The following RXFP1 variants were observed in gnomAD, a reference collection of about 807,000 sequenced individuals.
RXFP1 encodes the protein relaxin family peptide receptor 1, also known as relaxin receptor 1.
A neutral mutation model predicts 89.8 loss-of-function variants in RXFP1; 73 were observed. The ratio of observed to expected loss-of-function variants is 0.81; its 90% CI spans 0.67 to 0.99. RXFP1 has a LOEUF of 0.99. RXFP1 is among the 50% of genes least tolerant of loss of function. RXFP1 has a pLI of 0.00. For synonymous variants in RXFP1, 277 were observed against 305.5 expected, an observed-to-expected ratio of 0.91 and a Z score of 0.97; for missense variants, 793 against 895.5, an observed-to-expected ratio of 0.89 and a Z score of 1.46.
At chr4:158,569,624 A>G (rs1754605169) in intron 1 of RXFP1, among the ~76,000 whole-genome samples, 1 of 152,260 alleles carries the variant, frequency 6.6e-6, no homozygotes, top group African/African-American at 2.4e-5. Flanking sequence ...CTTCAAAGTC[A>G]GAATAGGATG....
intron 1 of RXFP1, among the ~76,000 whole-genome samples, chr4:158,531,275 A>G (rs1049028589): frequency 7.9e-5 from 12 of 152,154 alleles, no homozygotes; most frequent in Non-Finnish European, 2.9e-5. Context: ...GGCTCAAGCC[A>G]TCTGCCTACC....
At chr4:158,580,889 C>G (rs1757223352) in intron 2 of RXFP1, among the ~76,000 whole-genome samples, 2 of 152,168 alleles carry the variant, frequency 1.3e-5, no homozygotes, top group Admixed American at 6.5e-5. Flanking sequence ...CCTCCGCCTC[C>G]CAGGTTCAAG....
intron 1 of RXFP1, among the ~76,000 whole-genome samples, chr4:158,533,508 C>G (rs1175815334): frequency 6.6e-6 from 1 of 152,134 alleles, no homozygotes; most frequent in African/African-American, 2.4e-5. Flanking sequence ...AAATTTTTAG[C>G]TATTTCCCAA....
chr4:158,636,931 T>G (rs1769284235), intron 12 of RXFP1, among the ~76,000 whole-genome samples: 1 of 152,192 alleles, frequency 6.6e-6, no homozygotes, highest in African/African-American at 2.4e-5. Context: ...AGTGACCACC[T>G]TCTACTCTCT....
At chr4:158,545,049 T>A (rs576687553) in intron 1 of RXFP1, among the ~76,000 whole-genome samples, 1 of 151,660 alleles carries the variant, frequency 6.6e-6, no homozygotes, top group Non-Finnish European at 1.5e-5. Context: ...GTTGAACTAG[T>A]TTACAGTCCC....
chr4:158,559,301 C>G (rs931599246), intron 1 of RXFP1, among the ~76,000 whole-genome samples: 1 of 152,052 alleles, frequency 6.6e-6, no homozygotes, highest in Non-Finnish European at 1.5e-5. Flanking sequence ...AAGACCCTTT[C>G]TCCAAAAAAA....
chr4:158,637,997 T>C lies in RXFP1; in HGVS notation c.972-11T>C, dbSNP rs753691604. 2 of 1,564,346 alleles carry C rather than the reference T, an allele frequency of 1.3e-6. No homozygotes were observed. Among genetic ancestry groups the C allele is most frequent in the Middle Eastern group, 1.7e-4 (1 of 5,940 alleles). On this transcript the variant is annotated splice_polypyrimidine_tract_variant and intron_variant, in intron 12 of 17. Transcript: ENST00000307765. ...TAGAAATGACCTATTGCTGCTTTTTTTAAAAAACAGGAATCTTTCCTATAA... is the reference window on the plus strand; with the variant it reads ...TAGAAATGACCTATTGCTGCTTTTTCTAAAAAACAGGAATCTTTCCTATAA...
At chr4:158,527,308 C>T (rs201515488) in intron 1 of RXFP1, among the ~76,000 whole-genome samples, 2 of 151,528 alleles carry the variant, frequency 1.3e-5, no homozygotes, top group African/African-American at 4.8e-5. Context: ...TTTGGGAGGC[C>T]GAGGCAGGAG....
intron 1 of RXFP1, among the ~76,000 whole-genome samples, chr4:158,556,239 A>T (rs1339656901): frequency 3.3e-5 from 5 of 151,882 alleles, no homozygotes; most frequent in African/African-American, 1.2e-4. Context: ...AAAAAAAAAA[A>T]AATTGAAAAA....
Position 158,572,788 on chromosome 4 carries a change from G to A in RXFP1, c.140G>A (p.Cys47Tyr), listed in dbSNP as rs1235597445. 2.5e-6 allele frequency: 4 copies of A among 1,614,092 alleles called. No individual in the cohort carries two copies. Among genetic ancestry groups the A allele is most frequent in the Admixed American group, 1.7e-5 (1 of 60,008 alleles). ...AAGTGCTTGCCTCAGCTCCTGCACT[G>A]TAACGGTGTGGACGACTGCGGGAAT... Reference protein sequence around the residue: ...ITKCLPQLLHCNGVDDCGNQA... With the variant: ...ITKCLPQLLHYNGVDDCGNQA... Residue 47 changes from cysteine to tyrosine, a missense_variant, in exon 2 of 18, where the codon TGT becomes TAT. Transcript: ENST00000307765.
intron 1 of RXFP1, among the ~76,000 whole-genome samples, chr4:158,528,221 G>C (rs949784376): frequency 2.6e-5 from 4 of 152,114 alleles, no homozygotes; most frequent in Non-Finnish European, 5.9e-5. Flanking sequence ...AGAGTAAGGC[G>C]GGGGGCAGTG....
chr4:158,564,308 T>C (rs1247360046), intron 1 of RXFP1, among the ~76,000 whole-genome samples: 1 of 152,184 alleles, frequency 6.6e-6, no homozygotes, highest in African/African-American at 2.4e-5. Context: ...TTTTAAATTG[T>C]TATATACAAT....
intron 2 of RXFP1, among the ~76,000 whole-genome samples, chr4:158,587,434 C>T (rs1223727820): frequency 6.6e-6 from 1 of 152,030 alleles, no homozygotes; most frequent in Non-Finnish European, 1.5e-5. Context: ...AATTTAAATT[C>T]CAGTTAATAA....
At chr4:158,601,156 A>T (rs1459316131) in intron 4 of RXFP1, among the ~76,000 whole-genome samples, 1 of 152,006 alleles carries the variant, frequency 6.6e-6, no homozygotes, top group Non-Finnish European at 1.5e-5. Flanking sequence ...TAGTATACAC[A>T]TACATACGTA....
At chr4:158,580,445 T>C (rs1476133911) in intron 2 of RXFP1, among the ~76,000 whole-genome samples, 1 of 152,228 alleles carries the variant, frequency 6.6e-6, no homozygotes, top group Non-Finnish European at 1.5e-5. Context: ...AAGTCTTTCT[T>C]GAGTTCAACT....
intron 1 of RXFP1, among the ~76,000 whole-genome samples, chr4:158,545,404 G>A (rs568745039): frequency 6.6e-6 from 1 of 152,114 alleles, no homozygotes; most frequent in Non-Finnish European, 1.5e-5. Flanking sequence ...TAGGTTGTCT[G>A]TTCACTCTGA....
chr4:158,572,950 G>A (rs914637320), intron 2 of RXFP1, 115 bp downstream of exon 2: 3 of 1,397,140 alleles, frequency 2.1e-6, no homozygotes, highest in Admixed American at 2.4e-5. Flanking sequence ...CAAAACATAT[G>A]TTGCTTAAGG....
At chr4:158,577,317 A>T (rs1265097734) in intron 2 of RXFP1, among the ~76,000 whole-genome samples, 1 of 152,198 alleles carries the variant, frequency 6.6e-6, no homozygotes, top group African/African-American at 2.4e-5. Context: ...GATTACAGGC[A>T]TGAGCCCACC....
intron 10 of RXFP1, among the ~76,000 whole-genome samples, chr4:158,627,494 T>A (rs1767089992): frequency 7.0e-6 from 1 of 142,554 alleles, no homozygotes; most frequent in African/African-American, 2.7e-5. Flanking sequence ...TATTGTTTCA[T>A]GAGCCTTAGG....
Sources: gnomAD v4.1 joint callset for allele counts (sites outside exome capture counted in the v4.1 genomes callset) on GRCh38, gnomAD v4.1.1 for gene constraint, MANE v1.5 for transcripts, NCBI Gene and HGNC (gene_info 2026-07-23, HGNC 2026-07-21) for gene names.